GRM1: variants seen among roughly 807,000 people sequenced by gnomAD.
The protein encoded by GRM1 is glutamate metabotropic receptor 1, also known as metabotropic glutamate receptor 1.
A neutral mutation model predicts 90.9 loss-of-function variants in GRM1; 33 were observed. That is an observed-to-expected ratio of 0.36 (90% confidence interval 0.28 to 0.49). GRM1 has a LOEUF of 0.49. Ranked by LOEUF, GRM1 falls within the 20% of genes least tolerant of loss-of-function variation. The pLI, the probability that GRM1 is intolerant of heterozygous loss-of-function variation, is 0.99. For missense variants in GRM1, 1,190 were observed against 1,534.3 expected (o/e 0.78, Z 3.75); for synonymous variants, 700 against 613.2 (o/e 1.14, Z -2.09).
At chr6:146,331,965 G>A (rs1359886310) in intron 3 of GRM1, among the ~76,000 whole-genome samples, 2 of 152,140 alleles carry the variant, frequency 1.3e-5, no homozygotes, top group Admixed American at 6.5e-5. Context: ...CACAGGACTA[G>A]TATGGAGACA....
rs143196864 is a variant in GRM1, at chr6:146,375,708, G to A, written c.1603-11182G>A. Among the ~76,000 whole-genome samples the A allele has an allele frequency of 7.0e-3, 1,056 of 151,942 alleles. 9 individuals are homozygous for A. The highest frequency in any genetic ancestry group is 0.034 in the Middle Eastern group (10 of 294). ...AAATTATATTGTGTTATATGAGACCGATGCTCTTTTTTGGTCTCCATTAGC... is the reference window on the plus strand; with the variant it reads ...AAATTATATTGTGTTATATGAGACCAATGCTCTTTTTTGGTCTCCATTAGC... On this transcript the variant is annotated intron_variant, in intron 5 of 7. Coordinates refer to ENST00000282753, the MANE Select transcript of GRM1 (RefSeq NM_001278064.2).
chr6:146,211,360 AG>A (rs1318756477), intron 2 of GRM1, among the ~76,000 whole-genome samples: 1 of 151,694 alleles, frequency 6.6e-6, no homozygotes, highest in Non-Finnish European at 1.5e-5. Flanking sequence ...AAAAAAAAAA[AG>A]GAAAGCAAAG....
chr6:146,306,125 G>C (rs946245467), intron 3 of GRM1, among the ~76,000 whole-genome samples: 2 of 152,188 alleles, frequency 1.3e-5, no homozygotes, highest in East Asian at 3.8e-4. Flanking sequence ...AAATAAGGAA[G>C]TTTCAATCTT....
intron 7 of GRM1, among the ~76,000 whole-genome samples, chr6:146,413,500 G>C (rs11155470): frequency 6.6e-6 from 1 of 151,962 alleles, no homozygotes; most frequent in East Asian, 1.9e-4. Context: ...AGAATTCCTA[G>C]TATCTATATA....
intron 7 of GRM1, among the ~76,000 whole-genome samples, chr6:146,408,040 C>A (rs1467481421): frequency 6.6e-6 from 1 of 152,152 alleles, no homozygotes; most frequent in East Asian, 1.9e-4. Context: ...GCTCACAGTT[C>A]TGGAGGCTGA....
chr6:146,223,839 A>G (rs1780151134), intron 2 of GRM1, among the ~76,000 whole-genome samples: 1 of 152,128 alleles, frequency 6.6e-6, no homozygotes, highest in Non-Finnish European at 1.5e-5. Flanking sequence ...TGTACCCATT[A>G]TAACTCGTGT....
At chr6:146,063,040 G>A (rs1268831143) in intron 1 of GRM1, among the ~76,000 whole-genome samples, 2 of 151,806 alleles carry the variant, frequency 1.3e-5, no homozygotes, top group Non-Finnish European at 2.9e-5. Flanking sequence ...AAGTCCAATC[G>A]GATGTGATAG....
chr6:146,387,145 A>G, intron 6 of GRM1, 129 bp downstream of exon 6: 1 of 897,642 alleles, frequency 1.1e-6, no homozygotes, highest in Admixed American at 1.7e-5. Context: ...TTTAGTCCTC[A>G]TGTCAAGGAG....
chr6:146,242,937 G>A lies in GRM1; in HGVS notation c.951-61674G>A, dbSNP rs990151258. On this transcript the variant is annotated intron_variant, in intron 2 of 7. Transcript: ENST00000282753. ...AGCATTCTTTATCTATGGAGAATAC[G>A]TATGCTACTGTGTGTGTGTTATTTA... Among the ~76,000 whole-genome samples, 17 of 152,084 alleles carry A rather than the reference G, an allele frequency of 1.1e-4. 1 individual carries two copies. The highest frequency in any genetic ancestry group is 3.8e-4 in the East Asian group (2 of 5,200).
chr6:146,183,407 G>C (rs1402408197), intron 2 of GRM1, among the ~76,000 whole-genome samples: 1 of 152,058 alleles, frequency 6.6e-6, no homozygotes, highest in Non-Finnish European at 1.5e-5. Context: ...AATAAATTTT[G>C]GGAGACAACT....
At chr6:146,196,006 T>A (rs1179115108) in intron 2 of GRM1, among the ~76,000 whole-genome samples, 1 of 152,202 alleles carries the variant, frequency 6.6e-6, no homozygotes, top group South Asian at 2.1e-4. Context: ...TAGCATTTTG[T>A]TCAGTTTAGT....
chr6:146,429,838 C>T (rs1397584463), intron 7 of GRM1, among the ~76,000 whole-genome samples: 1 of 152,052 alleles, frequency 6.6e-6, no homozygotes, highest in African/African-American at 2.4e-5. Context: ...AGGAGTGAGC[C>T]TCTCTTTCTT....
chr6:146,246,813 G>T (rs1781075754), intron 2 of GRM1, among the ~76,000 whole-genome samples: 1 of 152,112 alleles, frequency 6.6e-6, no homozygotes, highest in African/African-American at 2.4e-5. Context: ...AGTTATAAAA[G>T]TTTTTGAGCT....
At chr6:146,284,804 A>G (rs1171027529) in intron 2 of GRM1, among the ~76,000 whole-genome samples, 1 of 152,052 alleles carries the variant, frequency 6.6e-6, no homozygotes, top group South Asian at 2.1e-4. Flanking sequence ...AGTCAATTAA[A>G]CCTCTTTTGT....
intron 1 of GRM1, among the ~76,000 whole-genome samples, chr6:146,040,860 C>T (rs1791073523): frequency 6.6e-6 from 1 of 151,874 alleles, no homozygotes; most frequent in Non-Finnish European, 1.5e-5. Flanking sequence ...TCAACTCCTT[C>T]TTGAAGGCCA....
In GRM1 at chr6:146,434,400, G is replaced by C; in HGVS notation, c.3189G>C (p.Arg1063=). 6.2e-7 allele frequency: 1 copy of C among 1,613,478 alleles called. No homozygotes were observed. The highest frequency in any genetic ancestry group is 8.5e-7 in the Non-Finnish European group (1 of 1,179,784). Reference sequence around the variant, plus strand: ...CCGGTGGTCCCGGGAACGGGCTGCGGTCCCTGTACCCGCCCCCGCCACCTC... The same window carrying C: ...CCGGTGGTCCCGGGAACGGGCTGCGCTCCCTGTACCCGCCCCCGCCACCTC... ...AGPGGPGNGL[R]SLYPPPPPPQ... Residue 1063 remains arginine (R), a synonymous_variant, in exon 8 of 8, where the codon CGG becomes CGC. Coordinates refer to ENST00000282753, the MANE Select transcript of GRM1 (RefSeq NM_001278064.2).
intron 1 of GRM1, among the ~76,000 whole-genome samples, chr6:146,132,528 G>T (rs1232993736): frequency 1.3e-5 from 2 of 151,982 alleles, no homozygotes; most frequent in African/African-American, 2.4e-5. Context: ...TGTGTGTGTG[G>T]GTGTGGGTGT....
At chr6:146,047,603 CAACGCCTT>C (rs1791381589) in intron 1 of GRM1, among the ~76,000 whole-genome samples, 2 of 149,646 alleles carry the variant, frequency 1.3e-5, no homozygotes, top group African/African-American at 2.5e-5. Context: ...CTGCCAGGAG[CAACGCCTT>C]CTTCTTGGCA....
chr6:146,062,014 T>C (rs925867499), intron 1 of GRM1, among the ~76,000 whole-genome samples: 9 of 152,162 alleles, frequency 5.9e-5, no homozygotes, highest in Admixed American at 4.6e-4. Context: ...CAAAGGATTA[T>C]AAGTCATTTT....
Sources: allele counts gnomAD v4.1 joint callset (sites outside exome capture counted in the v4.1 genomes callset), GRCh38; gene constraint gnomAD v4.1.1; transcripts MANE v1.5; gene names NCBI Gene and HGNC (gene_info 2026-07-23, HGNC 2026-07-21).